The following TGFB3 variants were observed in gnomAD, a reference collection of about 807,000 sequenced individuals.
TGFB3 encodes the protein transforming growth factor beta 3.
In TGFB3, 5 loss-of-function variants were observed where a neutral mutation model predicts 40.1. That is an observed-to-expected ratio of 0.12 (90% confidence interval 0.07 to 0.26). The LOEUF is 0.26. Ranked by LOEUF, TGFB3 falls within the 10% of genes least tolerant of loss-of-function variation. The probability of loss-of-function intolerance (pLI) is 1.00; values close to 1 mark genes in which losing one functional copy is unlikely to be tolerated. For synonymous variants in TGFB3, 184 were observed against 205.6 expected, an observed-to-expected ratio of 0.89 and a Z score of 0.90; for missense variants, 373 against 530.1, an observed-to-expected ratio of 0.70 and a Z score of 2.91.
chr14:75,959,165 T>A lies in TGFB3; in HGVS notation c.*22A>T, dbSNP rs1478677954. On this transcript the variant is annotated 3_prime_UTR_variant, in exon 7 of 7. Transcript: ENST00000238682. ...CAGGCAGTGGTGGTTCTCTCTCCCC[T>A]CTCTCTGTCGCACGTGGGGTCTCAG... 6.2e-7 allele frequency: 1 copy of A among 1,613,846 alleles called. No homozygotes were observed. The highest frequency in any genetic ancestry group is 1.3e-5 in the African/African-American group (1 of 74,898).
chr14:75,975,745 G>A (rs2035346363), intron 1 of TGFB3, among the ~76,000 whole-genome samples: 1 of 152,212 alleles, frequency 6.6e-6, no homozygotes, highest in African/African-American at 2.4e-5. Context: ...GACTCTTCAA[G>A]CTGGGAGGGA....
intron 3 of TGFB3, among the ~76,000 whole-genome samples, chr14:75,970,312 C>G (rs1440697288): frequency 6.6e-6 from 1 of 152,120 alleles, no homozygotes; most frequent in Admixed American, 6.5e-5. Flanking sequence ...AATCCCAGCA[C>G]TTTTGGAAGC....
intron 6 of TGFB3, among the ~76,000 whole-genome samples, chr14:75,959,757 T>A (rs1438103641): frequency 2.7e-5 from 4 of 148,540 alleles, no homozygotes. Context: ...AGCCACAGAG[T>A]GAGTCTGTCT....
intron 3 of TGFB3, among the ~76,000 whole-genome samples, chr14:75,968,318 C>T (rs2035245761): frequency 6.6e-6 from 1 of 152,136 alleles, no homozygotes; most frequent in Non-Finnish European, 1.5e-5. Context: ...TGTGATGATT[C>T]CCCTGTGGGA....
chr14:75,970,523 C>A (rs2035275909), intron 3 of TGFB3, among the ~76,000 whole-genome samples: 1 of 151,272 alleles, frequency 6.6e-6, no homozygotes, highest in South Asian at 2.1e-4. Context: ...CGCACCACTG[C>A]ACTCCAGCTT....
chr14:75,975,287 G>C (rs1182103163), intron 1 of TGFB3, among the ~76,000 whole-genome samples: 1 of 152,128 alleles, frequency 6.6e-6, no homozygotes, highest in East Asian at 1.9e-4. Context: ...AGAATCACTT[G>C]AACCCAGAAG....
chr14:75,980,446 C>CT lies in TGFB3; in HGVS notation c.352+95_352+96insA. On this transcript the variant is annotated intron_variant, in intron 1 of 6. Coordinates refer to ENST00000238682, the MANE Select transcript of TGFB3 (RefSeq NM_003239.5). This position sits in a 1 kb window ranked among gnomAD's most constrained non-coding sequence, Gnocchi z 4.3. ...TTGGTGCTGGTGAATCCTGGGGCACCCTGCTGTGTGGCCAGCACTAGGCCC... is the reference window on the plus strand; with the variant it reads ...TTGGTGCTGGTGAATCCTGGGGCACCTCTGCTGTGTGGCCAGCACTAGGCCC... 1 of 1,285,060 alleles carries CT rather than the reference C, an allele frequency of 7.8e-7. No individual in the cohort carries two copies. The highest frequency in any genetic ancestry group is 1.7e-5 in the Admixed American group (1 of 58,818). 79.6% of individuals were successfully genotyped at this position (1,285,060 alleles called of 1,614,324 possible). A position where few individuals can be genotyped will look rare whatever the true frequency, so the allele number is the denominator to read the frequency against.
At chr14:75,962,415 C>T (rs1017478092) in intron 5 of TGFB3, among the ~76,000 whole-genome samples, 1 of 152,180 alleles carries the variant, frequency 6.6e-6, no homozygotes, top group Admixed American at 6.5e-5. Context: ...CCTAGTTTCC[C>T]AAGCCCAACC....
At chr14:75,974,657 C>T (rs1330114500) in intron 1 of TGFB3, among the ~76,000 whole-genome samples, 1 of 151,418 alleles carries the variant, frequency 6.6e-6, no homozygotes, top group African/African-American at 2.4e-5. Context: ...CCTAGCTATT[C>T]AGGAGGCTGA....
intron 4 of TGFB3, 66 bp downstream of exon 4, chr14:75,965,522 G>T: frequency 1.5e-6 from 2 of 1,345,426 alleles, no homozygotes; most frequent in Non-Finnish European, 2.1e-6. Flanking sequence ...AGGGTCTCCT[G>T]CACTATCCTG....
At chr14:75,969,357 C>T (rs1022462214) in intron 3 of TGFB3, among the ~76,000 whole-genome samples, 31 of 152,130 alleles carry the variant, frequency 2.0e-4, no homozygotes, top group South Asian at 1.5e-3. Context: ...GTGACCCCAA[C>T]CCACTGAGCA....
At chr14:75,970,735 T>C (rs2035281112) in intron 3 of TGFB3, 1 of 321,528 alleles carries the variant, frequency 3.1e-6, no homozygotes, top group Non-Finnish European at 6.1e-6. Context: ...TCAAGCTTAT[T>C]TCCACTTGAG....
chr14:75,961,161 G>A (rs1220708596), intron 5 of TGFB3, 85 bp from the exon 6 acceptor site: 1 of 1,490,920 alleles, frequency 6.7e-7, no homozygotes, highest in Non-Finnish European at 9.2e-7. Flanking sequence ...CTCCCTTGGA[G>A]TCCTTTCATG....
At position 75,980,905 on chromosome 14, in the gene TGFB3, G is replaced by A; in HGVS notation, c.-12C>T. On this transcript the variant is annotated 5_prime_UTR_variant, in exon 1 of 7. Transcript: ENST00000238682. This position sits in a 1 kb window ranked among gnomAD's most constrained non-coding sequence, Gnocchi z 4.3. ...AAGTGCATCTTCATGTGTGAGCTGG[G>A]AAGAGAGGCCAGGGGGACGGCAAGG... The A allele has an allele frequency of 6.2e-7, 1 of 1,613,306 alleles. No individual in the cohort carries two copies. The highest frequency in any genetic ancestry group is 8.5e-7 in the Non-Finnish European group (1 of 1,179,548).
chr14:75,969,811 G>C (rs759152349), intron 3 of TGFB3, among the ~76,000 whole-genome samples: 4 of 152,170 alleles, frequency 2.6e-5, no homozygotes, highest in Non-Finnish European at 5.9e-5. Context: ...AAGTTATCTG[G>C]AATGCTCTTG....
chr14:75,959,144 CAGT>C lies in TGFB3; in HGVS notation c.*40_*42del, dbSNP rs748999674. On this transcript the variant is annotated 3_prime_UTR_variant, in exon 7 of 7. Transcript: ENST00000238682. ...GTTTCCCGAGGAGCGGGCAGTCAGG[CAGT>C]GGTGGTTCTCTCTCCCCTCTCTCTG... is the stretch of plus-strand genomic sequence containing the variant. 2 of 1,613,492 alleles carry C rather than the reference CAGT, an allele frequency of 1.2e-6. No homozygotes were observed. Among genetic ancestry groups the C allele is most frequent in the Admixed American group, 3.3e-5 (2 of 60,020 alleles).
intron 3 of TGFB3, chr14:75,970,609 GTAA>G (rs2035278448): frequency 1.7e-5 from 2 of 120,246 alleles, no homozygotes; most frequent in Admixed American, 1.6e-4. Context: ...AATAATAATA[GTAA>G]TAATAAATTA....
Position 75,963,387 on chromosome 14 carries a change from T to G in TGFB3, c.855A>C (p.Pro285=). 1 of 1,614,126 alleles carries G rather than the reference T, an allele frequency of 6.2e-7. No individual in the cohort carries two copies. Among genetic ancestry groups the G allele is most frequent in the Non-Finnish European group, 8.5e-7 (1 of 1,180,024 alleles). Residue 285 remains proline (P), a synonymous_variant, in exon 5 of 7, where the codon CCA becomes CCC. Coordinates refer to ENST00000238682, the MANE Select transcript of TGFB3 (RefSeq NM_003239.5). ...CCTGGCCCGGGTTGTCGAGCCGGTG[T>G]GGGGGAATCATCATGAGGATTAGAT... is the stretch of plus-strand genomic sequence containing the variant. ...NPHLILMMIP[P]HRLDNPGQGG...
intron 6 of TGFB3, among the ~76,000 whole-genome samples, chr14:75,959,563 G>A (rs1471362934): frequency 6.6e-6 from 1 of 152,106 alleles, no homozygotes; most frequent in East Asian, 1.9e-4. Context: ...CAGGTCAGGA[G>A]TTTGAGACCA....
Sources: allele counts gnomAD v4.1 joint callset (sites outside exome capture counted in the v4.1 genomes callset), GRCh38; gene constraint gnomAD v4.1.1; non-coding constraint Gnocchi (gnomAD v3.1); transcripts MANE v1.5; gene names NCBI Gene and HGNC (gene_info 2026-07-23, HGNC 2026-07-21).